Variants in ALG5 observed in about 807,000 individuals in gnomAD.
ALG5 encodes dolichyl-phosphate beta-glucosyltransferase.
Under a neutral mutation model 51.8 loss-of-function variants are expected in ALG5, and 26 were observed. That is an observed-to-expected ratio of 0.50 (90% CI 0.37 to 0.70). The LOEUF (loss-of-function observed/expected upper bound fraction) is 0.70. Ranked by LOEUF, ALG5 falls within the 30% of genes least tolerant of loss-of-function variation. The probability of loss-of-function intolerance (pLI) is 0.00; values close to 1 mark genes in which losing one functional copy is unlikely to be tolerated. For missense variants in ALG5, 311 were observed against 399.3 expected (o/e 0.78, Z 1.88); for synonymous variants, 141 against 136.1 (o/e 1.04, Z -0.25).
chr13:36,989,353 T>G, intron 5 of ALG5, 131 bp downstream of exon 5: 1 of 640,602 alleles, frequency 1.6e-6, no homozygotes, highest in Non-Finnish European at 2.7e-6. Flanking sequence ...AACATGAAGT[T>G]ATTATTAAAA....
rs1410054318 is a variant in ALG5 at position 36,989,524 on chromosome 13, G to A, written c.407C>T (p.Thr136Ile). 6.2e-7 allele frequency: 1 copy of A among 1,612,758 alleles called. No homozygotes were observed. Among genetic ancestry groups the A allele is most frequent in the African/African-American group, 1.3e-5 (1 of 74,842 alleles). ...ACCTTTTCCACGATTCTTCACCAGG[G>A]TTATCACACGTACTTTGTCACTTCC... is the stretch of plus-strand genomic sequence containing the variant. ...KYGSDKVRVI[T>I]LVKNRGKGGA... Residue 136 changes from threonine (T) to isoleucine (I), a missense_variant, in exon 5 of 10, where the codon ACC (threonine) becomes ATC (isoleucine). Transcript: ENST00000239891.
At chr13:36,967,888 CCTT>C (rs1331262953) in intron 7 of ALG5, 15 of 900,934 alleles carry the variant, frequency 1.7e-5, no homozygotes, top group Middle Eastern at 4.0e-4. Context: ...AAATTATTCT[CCTT>C]GAGTGATTTT....
intron 6 of ALG5, among the ~76,000 whole-genome samples, chr13:36,975,269 T>C (rs2058945248): frequency 6.6e-6 from 1 of 152,206 alleles, no homozygotes; most frequent in African/African-American, 2.4e-5. Flanking sequence ...ATTTCTTTTA[T>C]CTGTGGGTTC....
chr13:36,982,077 C>A (rs1385859732), intron 6 of ALG5, among the ~76,000 whole-genome samples: 1 of 152,094 alleles, frequency 6.6e-6, no homozygotes, highest in Non-Finnish European at 1.5e-5. Context: ...GATGACAAAG[C>A]GAGACTCTGT....
chr13:36,999,333 A>G lies in ALG5; in HGVS notation c.-33T>C, dbSNP rs769684716. On this transcript the variant is annotated 5_prime_UTR_variant, in exon 1 of 10. Transcript: ENST00000239891. ...GCCGTGGCAGCCCGCCCAATCCCGC[A>G]CCTCCACACAGGCGGAAGCGCGCCC... The G allele has an allele frequency of 1.3e-6, 2 of 1,540,998 alleles. No homozygotes were observed. The highest frequency in any genetic ancestry group is 1.2e-5 in the South Asian group (1 of 83,632).
At chr13:36,976,353 G>A (rs2058950380) in intron 6 of ALG5, among the ~76,000 whole-genome samples, 1 of 148,228 alleles carries the variant, frequency 6.7e-6, no homozygotes, top group Admixed American at 6.8e-5. Context: ...TTGAATCTGG[G>A]AGGTGGAGGT....
intron 6 of ALG5, 150 bp from the exon 7 acceptor site, chr13:36,972,186 T>C: frequency 4.3e-6 from 3 of 697,584 alleles, no homozygotes; most frequent in Admixed American, 3.0e-5. Context: ...GTTCAGAATA[T>C]GTACAACTTT....
intron 4 of ALG5, among the ~76,000 whole-genome samples, chr13:36,991,334 C>T (rs1163671693): frequency 6.6e-6 from 1 of 152,310 alleles, no homozygotes; most frequent in Non-Finnish European, 1.5e-5. Flanking sequence ...ATGTGTACTA[C>T]TGAAGCATTT....
chr13:36,976,624 T>C (rs1214835143), intron 6 of ALG5, among the ~76,000 whole-genome samples: 11 of 151,874 alleles, frequency 7.2e-5, no homozygotes. Context: ...TGCAAGCGCC[T>C]GTAGTCCCAG....
chr13:36,977,128 G>C (rs950960841), intron 6 of ALG5, among the ~76,000 whole-genome samples: 1 of 152,206 alleles, frequency 6.6e-6, no homozygotes, highest in Admixed American at 6.5e-5. Context: ...GAATTCTGAT[G>C]TAAGAGCTGA....
intron 8 of ALG5, among the ~76,000 whole-genome samples, chr13:36,954,147 C>T (rs996868164): frequency 1.8e-4 from 28 of 151,976 alleles, no homozygotes; most frequent in African/African-American, 5.1e-4. Context: ...AATGCAGTGG[C>T]GCAATCAGGG....
intron 6 of ALG5, among the ~76,000 whole-genome samples, chr13:36,979,105 C>T (rs1044694536): frequency 6.6e-6 from 1 of 152,064 alleles, no homozygotes; most frequent in Non-Finnish European, 1.5e-5. Flanking sequence ...CAACCTCCAC[C>T]TCTTGGGCTC....
At chr13:36,969,766 C>T (rs2058912836) in intron 7 of ALG5, among the ~76,000 whole-genome samples, 1 of 152,028 alleles carries the variant, frequency 6.6e-6, no homozygotes, top group Admixed American at 6.6e-5. Flanking sequence ...AACTCCTGAC[C>T]TCAGGTGATC....
At chr13:36,972,943 G>T (rs1012734565) in intron 6 of ALG5, among the ~76,000 whole-genome samples, 2 of 133,892 alleles carry the variant, frequency 1.5e-5, no homozygotes, top group African/African-American at 5.6e-5. Flanking sequence ...AGTGAGCCGA[G>T]ATCACACCAC....
Position 36,988,472 on chromosome 13 carries a change from C to A in ALG5, c.447+1012G>T, listed in dbSNP as rs75695810. On this transcript the variant is annotated intron_variant, in intron 5 of 9. Transcript: ENST00000239891. Reference sequence around the variant, plus strand: ...TGTCTTTTCTGGCTTTACTAAATGGCGTGCTGTTTTCTCAAGTCTTTTCTC... The same window carrying A: ...TGTCTTTTCTGGCTTTACTAAATGGAGTGCTGTTTTCTCAAGTCTTTTCTC... 3.0e-4 allele frequency among the ~76,000 whole-genome samples: 46 copies of A among 152,250 alleles called. 1 individual carries two copies. The East Asian group carries it at 7.9e-3, about 26-fold the overall frequency.
In ALG5 at chr13:36,994,926, C is replaced by T. The variant is rs1020951189; in HGVS notation, c.285+63G>A. The T allele has an allele frequency of 2.0e-6, 3 of 1,464,204 alleles. No individual in the cohort carries two copies. The African/African-American group carries it at 4.2e-5, about 21-fold the overall frequency. The allele number at this position is 1,464,204 out of a possible 1,614,324, so 90.7% of individuals were successfully genotyped here. On this transcript the variant is annotated intron_variant, in intron 3 of 9. Coordinates refer to ENST00000239891, the MANE Select transcript of ALG5 (RefSeq NM_013338.5). ...CTCACAGTGCATCTGGCTTGGGGTC[C>T]ACAATTGGTGACCTGGTCTAGTTTT... is the stretch of plus-strand genomic sequence containing the variant.
chr13:36,996,868 C>T (rs1476554859), intron 1 of ALG5, among the ~76,000 whole-genome samples: 1 of 152,094 alleles, frequency 6.6e-6, no homozygotes, highest in Non-Finnish European at 1.5e-5. Context: ...CTACTAAAAC[C>T]ATTAGGCTGA....
intron 6 of ALG5, among the ~76,000 whole-genome samples, chr13:36,973,984 C>T (rs1028120164): frequency 1.1e-4 from 17 of 152,130 alleles, no homozygotes; most frequent in Non-Finnish European, 5.9e-5. Context: ...ACAATTCTTC[C>T]GACAAATATA....
intron 5 of ALG5, among the ~76,000 whole-genome samples, chr13:36,986,996 C>T (rs757208552): frequency 3.3e-4 from 50 of 152,188 alleles, no homozygotes; most frequent in Admixed American, 1.2e-3. Flanking sequence ...CATAGCAACT[C>T]CCATTTGTGT....
Sources: allele counts gnomAD v4.1 joint callset (sites outside exome capture counted in the v4.1 genomes callset), GRCh38; gene constraint gnomAD v4.1.1; transcripts MANE v1.5; gene names NCBI Gene and HGNC (gene_info 2026-07-23, HGNC 2026-07-21).